The following SS18L1 variants were observed in gnomAD, a reference collection of about 807,000 sequenced individuals.
SS18L1 encodes the protein calcium-responsive transactivator.
SS18L1 carries 32 observed loss-of-function variants against 70.3 expected under a neutral mutation model. That is an observed-to-expected ratio of 0.46 (90% CI 0.34 to 0.61). SS18L1 has a LOEUF of 0.61. SS18L1 is among the 20% of genes least tolerant of loss of function. The probability of loss-of-function intolerance (pLI) is 0.01; values close to 1 mark genes in which losing one functional copy is unlikely to be tolerated. For synonymous variants in SS18L1, 237 were observed against 229.7 expected, an observed-to-expected ratio of 1.03 and a Z score of -0.29; for missense variants, 430 against 542.1, an observed-to-expected ratio of 0.79 and a Z score of 2.05.
Position 62,143,798 on chromosome 20 carries a change from G to C in SS18L1, c.-23G>C, listed in dbSNP as rs775792110. 6 of 1,323,502 alleles carry C rather than the reference G, an allele frequency of 4.5e-6. No individual in the cohort carries two copies. Among genetic ancestry groups the C allele is most frequent in the South Asian group, 1.3e-5 (1 of 76,946 alleles). The allele number at this position is 1,323,502 out of a possible 1,614,324, so 82.0% of individuals were successfully genotyped here. A position where few individuals can be genotyped will look rare whatever the true frequency, so the allele number is the denominator to read the frequency against. ...CCGGAGTATCCACCTCGATGACCACGGGCTGAGCCCCGCGCCGCCACCATG... is the reference window on the plus strand; with the variant it reads ...CCGGAGTATCCACCTCGATGACCACCGGCTGAGCCCCGCGCCGCCACCATG... On this transcript the variant is annotated 5_prime_UTR_variant, in exon 1 of 11. Coordinates refer to ENST00000331758, the MANE Select transcript of SS18L1 (RefSeq NM_198935.3).
chr20:62,166,895 A>T (rs1046171480), intron 8 of SS18L1, among the ~76,000 whole-genome samples: 4 of 151,290 alleles, frequency 2.6e-5, no homozygotes, highest in African/African-American at 7.3e-5. Flanking sequence ...ATTGCACTCC[A>T]GCCTGGGCAA....
intron 8 of SS18L1, among the ~76,000 whole-genome samples, chr20:62,168,537 C>G (rs569328577): frequency 6.6e-6 from 1 of 151,948 alleles, no homozygotes; most frequent in Non-Finnish European, 1.5e-5. Context: ...ATCCCAGCAT[C>G]AGGCCAGGTG....
chr20:62,157,041 C>T (rs972341336), intron 1 of SS18L1, among the ~76,000 whole-genome samples: 13 of 150,422 alleles, frequency 8.6e-5, no homozygotes, highest in African/African-American at 3.0e-4. Context: ...CCCTCCCATA[C>T]CCCCTCTCTC....
At position 62,163,511 on chromosome 20, in the gene SS18L1, G is replaced by A. The variant is rs753325512; in HGVS notation, c.610G>A (p.Gly204Ser). 66 of 1,611,958 alleles carry A rather than the reference G, an allele frequency of 4.1e-5. No homozygotes were observed. In the Middle Eastern group the frequency reaches 1.7e-3, roughly 41 times the overall value. ...GTCGCACTACAGCTCGGCGCAGGGC[G>A]GCAGCCAGCACTACCAGGGCCAGTC... is the stretch of plus-strand genomic sequence containing the variant. ...ATSHYSSAQG[G>S]SQHYQGQSSI... The change falls in exon 6 of 11, where the codon GGC becomes AGC. Residue 204 changes from glycine to serine, a missense_variant. Gly to Ser is a moderately conservative substitution (Grantham distance 56). Coordinates refer to ENST00000331758, the MANE Select transcript of SS18L1 (RefSeq NM_198935.3).
intron 4 of SS18L1, 45 bp from the exon 5 acceptor site, chr20:62,162,707 C>A (rs531994070): frequency 2.4e-5 from 37 of 1,562,736 alleles, no homozygotes; most frequent in Non-Finnish European, 3.1e-5. Context: ...GAAGTGGTGA[C>A]CTGGCTCCCC....
At chr20:62,173,118 T>TG (rs1397688565) in intron 9 of SS18L1, among the ~76,000 whole-genome samples, 1 of 152,244 alleles carries the variant, frequency 6.6e-6, no homozygotes, top group Non-Finnish European at 1.5e-5. Flanking sequence ...ATAAATTCAT[T>TG]GCCCACGTGG....
intron 1 of SS18L1, among the ~76,000 whole-genome samples, chr20:62,150,493 G>A (rs546134482): frequency 6.6e-5 from 10 of 152,354 alleles, no homozygotes; most frequent in Admixed American, 3.9e-4. Flanking sequence ...CTGTGTCCAC[G>A]CCATGCGTGG....
Position 62,182,159 on chromosome 20 carries a change from A to G in SS18L1, c.*2951A>G. 4.4e-6 allele frequency: 1 copy of G among 225,150 alleles called. No individual in the cohort carries two copies. Among genetic ancestry groups the G allele is most frequent in the East Asian group, 6.4e-5 (1 of 15,604 alleles). The allele number at this position is 225,150 out of a possible 1,614,324, so 13.9% of individuals were successfully genotyped here. A position where few individuals can be genotyped will look rare whatever the true frequency, so the allele number is the denominator to read the frequency against. ...GGGATTAAGGTGGACAAGATCTCCT[A>G]AGATCTGAAAAGAAACCTTAATACG... is the stretch of plus-strand genomic sequence containing the variant. On this transcript the variant is annotated 3_prime_UTR_variant, in exon 11 of 11. Coordinates refer to ENST00000331758, the MANE Select transcript of SS18L1 (RefSeq NM_198935.3).
chr20:62,143,793 A>T lies in SS18L1; in HGVS notation c.-28A>T, dbSNP rs2056966808. 1 of 1,337,628 alleles carries T rather than the reference A, an allele frequency of 7.5e-7. No homozygotes were observed. Among genetic ancestry groups the T allele is most frequent in the Non-Finnish European group, 9.9e-7 (1 of 1,013,410 alleles). The allele number at this position is 1,337,628 out of a possible 1,614,324, so 82.9% of individuals were successfully genotyped here. On this transcript the variant is annotated 5_prime_UTR_variant, in exon 1 of 11. Transcript: ENST00000331758. The stretch of plus-strand genomic sequence containing the variant: ...CGCAGCCGGAGTATCCACCTCGATG[A>T]CCACGGGCTGAGCCCCGCGCCGCCA...
chr20:62,148,206 G>A (rs1023560516), intron 1 of SS18L1, among the ~76,000 whole-genome samples: 50 of 152,372 alleles, frequency 3.3e-4, no homozygotes, highest in African/African-American at 1.1e-3. Flanking sequence ...GAGGGACCCC[G>A]CAGCCACCGG....
At chr20:62,155,667 C>A (rs910614055) in intron 1 of SS18L1, among the ~76,000 whole-genome samples, 1 of 152,158 alleles carries the variant, frequency 6.6e-6, no homozygotes, top group African/African-American at 2.4e-5. Context: ...CTGGAGACGC[C>A]CCCTCCTCCA....
intron 10 of SS18L1, 100 bp from the exon 11 acceptor site, chr20:62,179,082 T>G (rs1174648813): frequency 7.6e-7 from 1 of 1,319,578 alleles, no homozygotes; most frequent in Admixed American, 1.8e-5. Flanking sequence ...GTTGTTTGCT[T>G]GCTGTTGTCC....
intron 1 of SS18L1, among the ~76,000 whole-genome samples, chr20:62,144,157 T>C (rs1439058948): frequency 6.6e-6 from 1 of 150,538 alleles, no homozygotes; most frequent in African/African-American, 2.4e-5. Context: ...CACTGGGCGG[T>C]GGGGGCCGGG....
At chr20:62,157,490 C>T (rs79680767) in intron 1 of SS18L1, among the ~76,000 whole-genome samples, 6,080 of 152,300 alleles carry the variant, frequency 0.04, 163 homozygotes, top group Middle Eastern at 0.075. Flanking sequence ...CCATCTTGAG[C>T]GCAGACCGTG....
intron 10 of SS18L1, 43 bp from the exon 11 acceptor site, chr20:62,179,139 C>T (rs373027885): frequency 3.1e-6 from 5 of 1,612,214 alleles, no homozygotes; most frequent in African/African-American, 2.7e-5. Context: ...CTTCCTTTCA[C>T]TCATTACTAT....
intron 4 of SS18L1, chr20:62,162,424 C>G (rs2057346353): frequency 4.1e-6 from 1 of 242,744 alleles, no homozygotes; most frequent in South Asian, 6.7e-5. Context: ...GCCTCAGCCT[C>G]CCAAGTAGCT....
At chr20:62,152,276 C>T (rs1205391920) in intron 1 of SS18L1, among the ~76,000 whole-genome samples, 2 of 152,226 alleles carry the variant, frequency 1.3e-5, no homozygotes, top group African/African-American at 4.8e-5. Context: ...TCCTCACTGT[C>T]GCCTCCACTC....
At chr20:62,169,243 CTG>C (rs1289814985) in intron 8 of SS18L1, among the ~76,000 whole-genome samples, 1 of 152,220 alleles carries the variant, frequency 6.6e-6, no homozygotes, top group African/African-American at 2.4e-5. Flanking sequence ...GGATGTGCCT[CTG>C]TGAAAATGCA....
chr20:62,169,741 T>C (rs960522237), intron 8 of SS18L1, among the ~76,000 whole-genome samples: 2 of 151,306 alleles, frequency 1.3e-5, no homozygotes, highest in Non-Finnish European at 2.9e-5. Context: ...ATCACGCAAC[T>C]GCACTCCAGC....
Sources: allele counts gnomAD v4.1 joint callset (sites outside exome capture counted in the v4.1 genomes callset), GRCh38; gene constraint gnomAD v4.1.1; transcripts MANE v1.5; gene names NCBI Gene and HGNC (gene_info 2026-07-23, HGNC 2026-07-21).